CADM2: variants seen among roughly 807,000 people sequenced by gnomAD.
The protein encoded by CADM2 is cell adhesion molecule 2, also known as immunoglobulin superfamily member 4D.
Under a neutral mutation model 49.8 loss-of-function variants are expected in CADM2, and 12 were observed. The ratio of observed to expected loss-of-function variants is 0.24; its 90% CI spans 0.15 to 0.39. The LOEUF (loss-of-function observed/expected upper bound fraction) is 0.39, where lower values mean the gene tolerates loss of function less well. Among genes scored for constraint, CADM2 ranks in the 10% least tolerant of loss-of-function variants. CADM2 has a pLI of 1.00. For missense variants in CADM2, 378 were observed against 492.3 expected (o/e 0.77, Z 2.20); for synonymous variants, 214 against 175.4 (o/e 1.22, Z -1.74).
chr3:86,072,283 T>A lies in CADM2; in HGVS notation c.*5500T>A, dbSNP rs1703325568. On this transcript the variant is annotated 3_prime_UTR_variant, in exon 10 of 10. Coordinates refer to ENST00000383699, the MANE Select transcript of CADM2 (RefSeq NM_001167675.2). ...TTGGTTGATCTTCACATATTTTATA[T>A]GCATATATATATCAAGAAGTTATAT... is the stretch of plus-strand genomic sequence containing the variant. 6.6e-6 allele frequency: 1 copy of A among 151,666 alleles called. No individual in the cohort carries two copies. Among genetic ancestry groups the A allele is most frequent in the Non-Finnish European group, 1.5e-5 (1 of 67,850 alleles). 9.4% of individuals were successfully genotyped at this position (151,666 alleles called of 1,614,324 possible).
rs1437100381 is a variant in CADM2 at position 85,109,939 on chromosome 3, C to T, written c.61+150271C>T. Reference sequence around the variant, plus strand: ...GTCTTTGGCTTGAACTGTATCAAAACGCTTGTCAAAGAAAAAGAAATCTAC... The same window carrying T: ...GTCTTTGGCTTGAACTGTATCAAAATGCTTGTCAAAGAAAAAGAAATCTAC... On this transcript the variant is annotated intron_variant, in intron 1 of 9. Coordinates refer to ENST00000383699, the MANE Select transcript of CADM2 (RefSeq NM_001167675.2). Among the ~76,000 whole-genome samples the T allele has an allele frequency of 8.6e-5, 13 of 151,806 alleles. 1 individual carries two copies. Among genetic ancestry groups the T allele is most frequent in the Admixed American group, 7.9e-4 (12 of 15,210 alleles).
At chr3:85,432,592 T>C (rs2036732146) in intron 1 of CADM2, among the ~76,000 whole-genome samples, 2 of 152,100 alleles carry the variant, frequency 1.3e-5, no homozygotes. Flanking sequence ...GAATTATTTT[T>C]AGTAGCAGTA....
chr3:84,965,059 A>G (rs933270354), intron 1 of CADM2, among the ~76,000 whole-genome samples: 3 of 152,192 alleles, frequency 2.0e-5, no homozygotes, highest in African/African-American at 7.2e-5. Flanking sequence ...AACCCCAGAT[A>G]CTTTACATTA....
chr3:85,895,681 A>G (rs1490254147), intron 5 of CADM2, among the ~76,000 whole-genome samples: 3 of 152,150 alleles, frequency 2.0e-5, no homozygotes, highest in Non-Finnish European at 4.4e-5. Flanking sequence ...TGGGAGGTAA[A>G]TGAATCGTGG....
rs150153292 is a variant in CADM2 at position 85,527,838 on chromosome 3, A to G, written c.62-198684A>G. 1.7e-4 allele frequency among the ~76,000 whole-genome samples: 26 copies of G among 152,342 alleles called. No individual in the cohort carries two copies. In the South Asian group the frequency reaches 2.1e-3, roughly 12 times the overall value. Reference sequence around the variant, plus strand: ...ATGCTTTGCATTAACAATACTCTGAATCATTATAACGAGGATTGCATTTTT... The same window carrying G: ...ATGCTTTGCATTAACAATACTCTGAGTCATTATAACGAGGATTGCATTTTT... On this transcript the variant is annotated intron_variant, in intron 1 of 9. Coordinates refer to ENST00000383699, the MANE Select transcript of CADM2 (RefSeq NM_001167675.2).
intron 1 of CADM2, among the ~76,000 whole-genome samples, chr3:85,489,852 A>G (rs1403334385): frequency 2.0e-5 from 3 of 151,780 alleles, no homozygotes; most frequent in Non-Finnish European, 4.4e-5. Flanking sequence ...GAGAGATTAT[A>G]TACTCGAAAT....
intron 3 of CADM2, among the ~76,000 whole-genome samples, chr3:85,809,270 G>A (rs541200875): frequency 2.4e-4 from 37 of 152,186 alleles, no homozygotes; most frequent in African/African-American, 8.9e-4. Context: ...AATAACTTGA[G>A]TAGTAAATGA....
chr3:85,517,218 C>T (rs2060925992), intron 1 of CADM2, among the ~76,000 whole-genome samples: 2 of 151,784 alleles, frequency 1.3e-5, no homozygotes. Flanking sequence ...CAATTTTACT[C>T]ACTTTTATAC....
chr3:85,818,020 C>T (rs527240043), intron 3 of CADM2, among the ~76,000 whole-genome samples: 111 of 152,108 alleles, frequency 7.3e-4, no homozygotes, highest in Admixed American at 1.2e-3. Flanking sequence ...CAGTTTCTAT[C>T]TAGGAAGTTG....
At chr3:85,536,617 T>G (rs923555424) in intron 1 of CADM2, among the ~76,000 whole-genome samples, 1 of 152,088 alleles carries the variant, frequency 6.6e-6, no homozygotes, top group African/African-American at 2.4e-5. Flanking sequence ...ACTGGATTAC[T>G]TAACAAGGAG....
intron 3 of CADM2, among the ~76,000 whole-genome samples, chr3:85,817,555 C>T (rs1251116491): frequency 6.6e-6 from 1 of 152,092 alleles, no homozygotes; most frequent in Non-Finnish European, 1.5e-5. Context: ...TTATTTATTT[C>T]TTTGCAACTT....
chr3:85,791,852 T>C (rs2071358790), intron 2 of CADM2, among the ~76,000 whole-genome samples: 1 of 152,014 alleles, frequency 6.6e-6, no homozygotes, highest in Admixed American at 6.6e-5. Context: ...GCCTCCCGAG[T>C]AGCTGGGACT....
intron 8 of CADM2, chr3:86,012,873 G>A (rs1285549529): frequency 3.3e-5 from 18 of 552,218 alleles, no homozygotes; most frequent in Admixed American, 1.1e-4. Flanking sequence ...TACTCGGGAG[G>A]CTGAGGCAGG....
chr3:85,857,877 T>C (rs1457953383), intron 3 of CADM2, among the ~76,000 whole-genome samples: 1 of 152,226 alleles, frequency 6.6e-6, no homozygotes, highest in African/African-American at 2.4e-5. Context: ...CTTTGTTTAC[T>C]AACAATTTCA....
intron 1 of CADM2, among the ~76,000 whole-genome samples, chr3:85,066,155 G>A (rs2107459546): frequency 6.6e-6 from 1 of 152,282 alleles, no homozygotes; most frequent in East Asian, 1.9e-4. Context: ...AGTAAATTCA[G>A]AAGAGGGTGC....
chr3:85,160,923 C>T (rs949620323), intron 1 of CADM2, among the ~76,000 whole-genome samples: 3 of 152,138 alleles, frequency 2.0e-5, no homozygotes, highest in African/African-American at 7.2e-5. Flanking sequence ...GACTTGCACC[C>T]TATCTTATCA....
At chr3:85,534,130 A>T (rs995072045) in intron 1 of CADM2, among the ~76,000 whole-genome samples, 10 of 151,528 alleles carry the variant, frequency 6.6e-5, no homozygotes, top group East Asian at 1.9e-4. Context: ...GAAAATAATA[A>T]TTTTTTTTTA....
At chr3:85,458,530 A>G (rs1313630411) in intron 1 of CADM2, among the ~76,000 whole-genome samples, 1 of 152,220 alleles carries the variant, frequency 6.6e-6, no homozygotes, top group Non-Finnish European at 1.5e-5. Flanking sequence ...GGTCATATTG[A>G]ACTGCATCTT....
intron 1 of CADM2, among the ~76,000 whole-genome samples, chr3:85,009,286 A>G (rs1394647049): frequency 6.6e-6 from 1 of 152,208 alleles, no homozygotes; most frequent in Non-Finnish European, 1.5e-5. Context: ...TAATATATAA[A>G]AGTTATCAGA....
Sources: gnomAD v4.1 joint callset for allele counts (sites outside exome capture counted in the v4.1 genomes callset) on GRCh38, gnomAD v4.1.1 for gene constraint, MANE v1.5 for transcripts, NCBI Gene and HGNC (gene_info 2026-07-23, HGNC 2026-07-21) for gene names.